The following TLCD4 variants were observed in gnomAD, a reference collection of about 807,000 sequenced individuals.
TLCD4 encodes TLC domain-containing protein 4.
TLCD4 carries 7 observed loss-of-function variants against 24.2 expected under a neutral mutation model. The observed-to-expected ratio is 0.29, with a 90% CI of 0.16 to 0.54. The LOEUF (loss-of-function observed/expected upper bound fraction) is 0.54. TLCD4 is among the 20% of genes least tolerant of loss of function. The pLI is 0.95. For synonymous variants in TLCD4, 103 were observed against 106.4 expected, an observed-to-expected ratio of 0.97 and a Z score of 0.20; for missense variants, 259 against 313.9, an observed-to-expected ratio of 0.82 and a Z score of 1.32.
chr1:95,178,855 A>G (rs1209064786), intron 6 of TLCD4, among the ~76,000 whole-genome samples: 1 of 152,200 alleles, frequency 6.6e-6, no homozygotes, highest in Non-Finnish European at 1.5e-5. Flanking sequence ...CGTTGAATCA[A>G]CATGTGTAAA....
At chr1:95,189,520 A>G (rs1383135047) in intron 6 of TLCD4, among the ~76,000 whole-genome samples, 5 of 151,958 alleles carry the variant, frequency 3.3e-5, no homozygotes, top group Non-Finnish European at 7.4e-5. Flanking sequence ...CAGTTTCACC[A>G]CCCTAAAATA....
the TLCD4 span, among the ~76,000 whole-genome samples, chr1:95,100,100 A>C: frequency 6.6e-6 from 1 of 151,966 alleles, no homozygotes; most frequent in East Asian, 1.9e-4. Context: ...GTGAGACCCC[A>C]TCTCAAAAAA....
At chr1:95,174,182 C>T (rs1421520557) in intron 6 of TLCD4, 1 of 353,992 alleles carries the variant, frequency 2.8e-6, no homozygotes, top group Non-Finnish European at 5.1e-6. Flanking sequence ...ACGTTGTACA[C>T]TGCAAGATGA....
At chr1:95,164,500 C>T (rs1285721257) in intron 5 of TLCD4, 1 of 152,266 alleles carries the variant, frequency 6.6e-6, no homozygotes, top group African/African-American at 2.4e-5. Flanking sequence ...GGGCTGCACC[C>T]AGTGTCTGAC....
chr1:95,163,391 C>G (rs1224824722), intron 5 of TLCD4: 1 of 151,532 alleles, frequency 6.6e-6, no homozygotes, highest in Non-Finnish European at 1.5e-5. Flanking sequence ...TTGTAGTTAG[C>G]CATTCGTCTA....
chr1:95,160,928 A>G lies in TLCD4; in HGVS notation c.399+9509A>G, dbSNP rs185295777. Among the ~76,000 whole-genome samples, 13 of 152,312 alleles carry G rather than the reference A, an allele frequency of 8.5e-5. No homozygotes were observed. The East Asian group carries it at 1.7e-3, about 20-fold the overall frequency. Reference sequence around the variant, plus strand: ...CCAGTATTTTATTGAGGATTTTTGCATCAATGTTCATGAAGGATATTGGTC... The same window carrying G: ...CCAGTATTTTATTGAGGATTTTTGCGTCAATGTTCATGAAGGATATTGGTC... On this transcript the variant is annotated intron_variant, in intron 5 of 6. Transcript: ENST00000370203.
the TLCD4 span, among the ~76,000 whole-genome samples, chr1:95,101,201 C>G: frequency 6.6e-6 from 1 of 152,160 alleles, no homozygotes; most frequent in Non-Finnish European, 1.5e-5. Flanking sequence ...GCCACCGTGC[C>G]TGGCCTAGGT....
In TLCD4 at chr1:95,159,904, T is replaced by C. The variant is rs191765899; in HGVS notation, c.399+8485T>C. Among the ~76,000 whole-genome samples the C allele has an allele frequency of 2.4e-4, 37 of 152,368 alleles. 1 individual carries two copies. The East Asian group carries it at 6.6e-3, about 27-fold the overall frequency. ...ACCAGTACCATGCTGTTTTGGTTAC[T>C]GTAGCCTTGTAGTATAGTTTGAAGT... On this transcript the variant is annotated intron_variant, in intron 5 of 6. Coordinates refer to ENST00000370203, the MANE Select transcript of TLCD4 (RefSeq NM_152487.3).
At chr1:95,125,168 C>T (rs1226957769) in intron 1 of TLCD4, among the ~76,000 whole-genome samples, 5 of 151,982 alleles carry the variant, frequency 3.3e-5, no homozygotes, top group African/African-American at 9.7e-5. Flanking sequence ...TAAAACAGTT[C>T]TTCATTATCA....
chr1:95,174,514 A>G (rs1678350743), intron 6 of TLCD4, among the ~76,000 whole-genome samples: 1 of 126,634 alleles, frequency 7.9e-6, no homozygotes, highest in African/African-American at 3.6e-5. Flanking sequence ...CTACAAAAAA[A>G]AAAAAAAAAA....
At chr1:95,161,794 C>T (rs7368059) in intron 5 of TLCD4, among the ~76,000 whole-genome samples, 2 of 151,822 alleles carry the variant, frequency 1.3e-5, no homozygotes, top group Admixed American at 6.6e-5. Flanking sequence ...TGTTCAGTTT[C>T]CATGTAGTTG....
chr1:95,101,285 G>T, the TLCD4 span, among the ~76,000 whole-genome samples: 2 of 151,626 alleles, frequency 1.3e-5, no homozygotes, highest in African/African-American at 2.4e-5. Flanking sequence ...AAAGGGTCTT[G>T]CTCTGTCACC....
chr1:95,108,753 C>T, the TLCD4 span, among the ~76,000 whole-genome samples: 4 of 152,290 alleles, frequency 2.6e-5, no homozygotes, highest in East Asian at 7.7e-4. Flanking sequence ...ATTCAAGTGT[C>T]CATCTTACCC....
upstream of TLCD4, among the ~76,000 whole-genome samples, chr1:95,116,581 C>A (rs1434986125): frequency 1.3e-5 from 2 of 152,138 alleles, no homozygotes; most frequent in African/African-American, 4.8e-5. Flanking sequence ...CATGAGTATA[C>A]CTCTTTGTTA....
the TLCD4 span, among the ~76,000 whole-genome samples, chr1:95,108,108 A>G: frequency 1.4e-4 from 21 of 151,798 alleles, no homozygotes; most frequent in Non-Finnish European, 2.8e-4. Flanking sequence ...TTTTCTCTCG[A>G]GTGTCTGGTC....
chr1:95,175,323 TATA>T (rs1678383231), intron 6 of TLCD4, among the ~76,000 whole-genome samples: 1 of 152,242 alleles, frequency 6.6e-6, no homozygotes, highest in Non-Finnish European at 1.5e-5. Flanking sequence ...TTTTGCTTAC[TATA>T]ATGTCCTTGA....
At chr1:95,111,117 C>T in the TLCD4 span, among the ~76,000 whole-genome samples, 6 of 139,398 alleles carry the variant, frequency 4.3e-5, no homozygotes, top group Non-Finnish European at 6.2e-5. Flanking sequence ...CAGAGCAAGA[C>T]TATCTCCACA....
At chr1:95,149,942 T>C (rs796829759) in intron 3 of TLCD4, among the ~76,000 whole-genome samples, 2 of 152,208 alleles carry the variant, frequency 1.3e-5, no homozygotes, top group South Asian at 4.1e-4. Context: ...TAGTTAGTGT[T>C]ACTTTCACTA....
intron 5 of TLCD4, among the ~76,000 whole-genome samples, chr1:95,169,348 A>G (rs907003996): frequency 6.6e-6 from 1 of 152,234 alleles, no homozygotes; most frequent in Admixed American, 6.5e-5. Flanking sequence ...GAGAGGAATT[A>G]GAAGAGCCAA....
Sources: gnomAD v4.1 joint callset for allele counts (sites outside exome capture counted in the v4.1 genomes callset) on GRCh38, gnomAD v4.1.1 for gene constraint, MANE v1.5 for transcripts, NCBI Gene and HGNC (gene_info 2026-07-23, HGNC 2026-07-21) for gene names.